Variants in BPGM observed in about 807,000 individuals in gnomAD.
The protein encoded by BPGM is 2,3-bisphosphoglycerate mutase, erythrocyte.
A neutral mutation model predicts 21.6 loss-of-function variants in BPGM; 15 were observed. That is an observed-to-expected ratio of 0.70 (90% CI 0.47 to 1.07). The LOEUF is 1.07. BPGM is among the 50% of genes least tolerant of loss of function. BPGM has a pLI of 0.00. For synonymous variants in BPGM, 113 were observed against 116.2 expected (o/e 0.97, Z 0.18); for missense variants, 273 against 319.0 (o/e 0.86, Z 1.10).
intron 1 of BPGM, among the ~76,000 whole-genome samples, chr7:134,653,712 A>C (rs139328757): frequency 1.1e-3 from 160 of 152,334 alleles, no homozygotes; most frequent in Non-Finnish European, 2.0e-3. Flanking sequence ...GGCCTAAGAC[A>C]ATACTGTTCT....
intron 1 of BPGM, among the ~76,000 whole-genome samples, chr7:134,651,405 G>T (rs959020647): frequency 3.3e-5 from 5 of 152,162 alleles, no homozygotes; most frequent in Non-Finnish European, 5.9e-5. Context: ...AGTCCCAGGA[G>T]TGTCAGTTTG....
chr7:134,670,706 T>C (rs954258882), intron 2 of BPGM, among the ~76,000 whole-genome samples: 1 of 152,180 alleles, frequency 6.6e-6, no homozygotes, highest in African/African-American at 2.4e-5. Flanking sequence ...TTATCACAGA[T>C]TGTCGGTGGG....
rs1795737256 is a variant in BPGM, at chr7:134,661,771, T to C, written c.264T>C (p.Asn88=). ...WVPVESSWRL[N]ERHYGALIGL... is the part of the protein sequence containing the mutation. Reference sequence around the variant, plus strand: ...CTGTGGAAAGCTCCTGGCGTCTAAATGAGCGTCACTATGGGGCCTTGATCG... The same window carrying C: ...CTGTGGAAAGCTCCTGGCGTCTAAACGAGCGTCACTATGGGGCCTTGATCG... The change falls in exon 2 of 3, where the codon AAT becomes AAC. Residue 88 remains asparagine, a synonymous_variant. Coordinates refer to ENST00000344924, the MANE Select transcript of BPGM (RefSeq NM_001724.5). The surrounding 1 kb of genome is among the most constrained non-coding windows in gnomAD (Gnocchi z 4.6). 1.2e-6 allele frequency: 2 copies of C among 1,614,036 alleles called. No individual in the cohort carries two copies. Among genetic ancestry groups the C allele is most frequent in the South Asian group, 2.2e-5 (2 of 91,084 alleles).
intron 2 of BPGM, among the ~76,000 whole-genome samples, chr7:134,672,208 G>A (rs1247767877): frequency 6.6e-6 from 1 of 151,944 alleles, no homozygotes; most frequent in Non-Finnish European, 1.5e-5. Flanking sequence ...TTAGCTCCTA[G>A]GTGCTTCTAC....
In BPGM at chr7:134,651,088, G is replaced by A. The variant is rs527938315; in HGVS notation, c.-62+4151G>A. Among the ~76,000 whole-genome samples the A allele has an allele frequency of 1.3e-5, 2 of 152,292 alleles. 1 individual carries two copies. The highest frequency in any genetic ancestry group is 4.8e-5 in the African/African-American group (2 of 41,558). On this transcript the variant is annotated intron_variant, in intron 1 of 2. Transcript: ENST00000344924. ...ATTCCTCTTGCAGTGGGGGTTAAAAGTTGCTCAAAGCCACACAATAAGGGG... is the reference window on the plus strand; with the variant it reads ...ATTCCTCTTGCAGTGGGGGTTAAAAATTGCTCAAAGCCACACAATAAGGGG...
chr7:134,653,560 G>A (rs987909982), intron 1 of BPGM, among the ~76,000 whole-genome samples: 3 of 151,996 alleles, frequency 2.0e-5, no homozygotes, highest in Admixed American at 2.0e-4. Flanking sequence ...GGCTTTTTTT[G>A]TGTCACTATT....
chr7:134,647,835 C>T (rs6467543), intron 1 of BPGM, among the ~76,000 whole-genome samples: 88,800 of 152,068 alleles, frequency 0.58, 26,931 homozygotes, highest in East Asian at 0.89. Flanking sequence ...GCTCTGTCGC[C>T]CAGGCTGGAG....
intron 1 of BPGM, among the ~76,000 whole-genome samples, chr7:134,652,785 A>G (rs1424319737): frequency 6.6e-6 from 1 of 152,162 alleles, no homozygotes; most frequent in African/African-American, 2.4e-5. Context: ...AGTTCCATCC[A>G]TGTTGTTGTG....
At chr7:134,662,392 A>T (rs979478706) in intron 2 of BPGM, among the ~76,000 whole-genome samples, 1 of 152,184 alleles carries the variant, frequency 6.6e-6, no homozygotes, top group Non-Finnish European at 1.5e-5. Context: ...CGGAATCAGT[A>T]GGTCTGGGGC....
chr7:134,650,540 G>A (rs1438500914), intron 1 of BPGM, among the ~76,000 whole-genome samples: 1 of 152,194 alleles, frequency 6.6e-6, no homozygotes, highest in East Asian at 1.9e-4. Flanking sequence ...CTTAGGAAAA[G>A]TAATAGACCA....
intron 2 of BPGM, among the ~76,000 whole-genome samples, chr7:134,670,672 T>G (rs963054378): frequency 6.6e-6 from 1 of 152,174 alleles, no homozygotes; most frequent in African/African-American, 2.4e-5. Flanking sequence ...CAGCTCTTAT[T>G]GGCCATAAAG....
intron 2 of BPGM, among the ~76,000 whole-genome samples, chr7:134,674,779 A>C (rs1376968528): frequency 1.3e-5 from 2 of 152,220 alleles, no homozygotes; most frequent in Non-Finnish European, 2.9e-5. Context: ...GTATATGCTT[A>C]GTAGTGGAAT....
chr7:134,666,306 G>A (rs532426166), intron 2 of BPGM, among the ~76,000 whole-genome samples: 192 of 152,296 alleles, frequency 1.3e-3, no homozygotes, highest in Non-Finnish European at 2.4e-3. Flanking sequence ...GTAGAAAGAA[G>A]TAAATTGTAG....
chr7:134,668,992 G>A (rs1392043324), intron 2 of BPGM, among the ~76,000 whole-genome samples: 1 of 152,166 alleles, frequency 6.6e-6, no homozygotes, highest in Non-Finnish European at 1.5e-5. Context: ...ACTACTGTAT[G>A]CAGTTGTCAA....
chr7:134,662,218 C>T (rs1795747958), intron 2 of BPGM, 110 bp downstream of exon 2: 4 of 1,399,048 alleles, frequency 2.9e-6, no homozygotes, highest in Admixed American at 1.7e-5. Flanking sequence ...CCTCTATCCC[C>T]CTTTGTCACT....
chr7:134,658,894 T>TTTTTTTATTTTTATTTTC (rs755397685), intron 1 of BPGM, among the ~76,000 whole-genome samples: 1 of 150,800 alleles, frequency 6.6e-6, no homozygotes, highest in East Asian at 1.9e-4. Flanking sequence ...GTGTGTGTAT[T>TTTTTTTATTTTTATTTTC]TTTTTTTTAG....
chr7:134,670,055 C>T (rs748698974), intron 2 of BPGM, among the ~76,000 whole-genome samples: 4 of 152,272 alleles, frequency 2.6e-5, no homozygotes, highest in South Asian at 2.1e-4. Flanking sequence ...TGCTGGCGCA[C>T]GTCCAAGGAA....
intron 1 of BPGM, among the ~76,000 whole-genome samples, chr7:134,658,892 A>T (rs971498053): frequency 1.7e-4 from 25 of 143,936 alleles, no homozygotes; most frequent in Middle Eastern, 3.8e-3. Context: ...GTGTGTGTGT[A>T]TTTTTTTTTT....
At chr7:134,668,883 C>T (rs939456858) in intron 2 of BPGM, among the ~76,000 whole-genome samples, 6 of 102,138 alleles carry the variant, frequency 5.9e-5, no homozygotes, top group Non-Finnish European at 7.6e-5. Flanking sequence ...ATAGAACTAT[C>T]GGGAAATAAC....
Sources: gnomAD v4.1 joint callset for allele counts (sites outside exome capture counted in the v4.1 genomes callset) on GRCh38, gnomAD v4.1.1 for gene constraint, Gnocchi (gnomAD v3.1) non-coding constraint, MANE v1.5 for transcripts, NCBI Gene and HGNC (gene_info 2026-07-23, HGNC 2026-07-21) for gene names.